The following HSF4 variants were observed in gnomAD, a reference collection of about 807,000 sequenced individuals.
HSF4 encodes heat shock factor protein 4.
A neutral mutation model predicts 52.0 loss-of-function variants in HSF4; 41 were observed. That is an observed-to-expected ratio of 0.79 (90% confidence interval 0.61 to 1.02). HSF4 has a LOEUF of 1.02. HSF4 is among the 50% of genes least tolerant of loss of function. The pLI is 0.00. For synonymous variants in HSF4, 285 were observed against 273.0 expected (o/e 1.04, Z -0.43); for missense variants, 610 against 651.1 (o/e 0.94, Z 0.69).
Position 67,165,912 on chromosome 16 carries a change from G to A in HSF4, c.361-34G>A. ...TGCTGGGACTGCCTGCCTTGCTCCT[G>A]CGACCCAGTCCCGACGGTGCCTCCC... On this transcript the variant is annotated intron_variant, in intron 3 of 12. Coordinates refer to ENST00000521374, the MANE Select transcript of HSF4 (RefSeq NM_001374675.1). The surrounding 1 kb of genome is among the most constrained non-coding windows in gnomAD (Gnocchi z 6.9). 1 of 1,589,454 alleles carries A rather than the reference G, an allele frequency of 6.3e-7. No individual in the cohort carries two copies. The highest frequency in any genetic ancestry group is 2.3e-5 in the East Asian group (1 of 44,260).
Position 67,165,356 on chromosome 16 carries a change from A to G in HSF4, c.124-166A>G. On this transcript the variant is annotated intron_variant, in intron 1 of 12. Coordinates refer to ENST00000521374, the MANE Select transcript of HSF4 (RefSeq NM_001374675.1). This position sits in a 1 kb window ranked among gnomAD's most constrained non-coding sequence, Gnocchi z 6.9. ...GTGGTCGCTCCAGGCTAGGCCTCGGAGCCCGTTCTGGCCTGGCCTCGACCC... is the reference window on the plus strand; with the variant it reads ...GTGGTCGCTCCAGGCTAGGCCTCGGGGCCCGTTCTGGCCTGGCCTCGACCC... The G allele has an allele frequency of 1.5e-6, 1 of 673,440 alleles. No homozygotes were observed. The highest frequency in any genetic ancestry group is 2.6e-6 in the Non-Finnish European group (1 of 383,842). The allele number at this position is 673,440 out of a possible 1,614,324, so 41.7% of individuals were successfully genotyped here.
chr16:67,168,051 T>G (rs2031435410), intron 9 of HSF4, 104 bp downstream of exon 9: 1 of 975,254 alleles, frequency 1.0e-6, no homozygotes, highest in South Asian at 1.4e-5. Flanking sequence ...CCTGATTTCT[T>G]GGCCCCAGCA....
Position 67,165,442 on chromosome 16 carries a change from A to G in HSF4, c.124-80A>G. 3.9e-6 allele frequency: 5 copies of G among 1,278,814 alleles called. No individual in the cohort carries two copies. The highest frequency in any genetic ancestry group is 5.7e-6 in the Non-Finnish European group (5 of 877,990). The allele number at this position is 1,278,814 out of a possible 1,614,324, so 79.2% of individuals were successfully genotyped here. A position where few individuals can be genotyped will look rare whatever the true frequency, so the allele number is the denominator to read the frequency against. On this transcript the variant is annotated intron_variant, in intron 1 of 12. Coordinates refer to ENST00000521374, the MANE Select transcript of HSF4 (RefSeq NM_001374675.1). This position sits in a 1 kb window ranked among gnomAD's most constrained non-coding sequence, Gnocchi z 6.9. ...GAGCATGAGTGTGTGCGCGCGCTGG[A>G]GCGCAGGACTGGCCGTGAGCGGGCA...
upstream of HSF4, chr16:67,163,878 G>GA (rs965162501): frequency 2.7e-5 from 41 of 1,526,594 alleles, no homozygotes; most frequent in East Asian, 3.9e-4. Context: ...GGGAACGGGG[G>GA]GGGTGTCCAG....
chr16:67,164,570 T>G (rs1007004953), upstream of HSF4: 2 of 181,272 alleles, frequency 1.1e-5, no homozygotes, highest in Non-Finnish European at 2.3e-5. Flanking sequence ...CCCACCCCAC[T>G]CCACCCCACC....
Position 67,165,919 on chromosome 16 carries a change from A to C in HSF4, c.361-27A>C. The C allele has an allele frequency of 6.3e-7, 1 of 1,586,446 alleles. No homozygotes were observed. Among genetic ancestry groups the C allele is most frequent in the South Asian group, 1.1e-5 (1 of 89,734 alleles). On this transcript the variant is annotated intron_variant, in intron 3 of 12. Transcript: ENST00000521374. The surrounding 1 kb of genome is among the most constrained non-coding windows in gnomAD (Gnocchi z 6.9). ...ACTGCCTGCCTTGCTCCTGCGACCCAGTCCCGACGGTGCCTCCCGCCTGCA... is the reference window on the plus strand; with the variant it reads ...ACTGCCTGCCTTGCTCCTGCGACCCCGTCCCGACGGTGCCTCCCGCCTGCA...
Position 67,165,088 on chromosome 16 carries a change from G to A in HSF4, c.123+154G>A, listed in dbSNP as rs558801822. 2.4e-5 allele frequency: 20 copies of A among 849,974 alleles called. No homozygotes were observed. In the African/African-American group the frequency reaches 2.8e-4, roughly 12 times the overall value. The allele number at this position is 849,974 out of a possible 1,614,324, so 52.7% of individuals were successfully genotyped here. Reference sequence around the variant, plus strand: ...TCACCTTGGAGGGGGTGTGCGAGAGGGGGGTTTCCTCTGCGGCCGAAGAAG... The same window carrying A: ...TCACCTTGGAGGGGGTGTGCGAGAGAGGGGTTTCCTCTGCGGCCGAAGAAG... On this transcript the variant is annotated intron_variant, in intron 1 of 12. Transcript: ENST00000521374. This position sits in a 1 kb window ranked among gnomAD's most constrained non-coding sequence, Gnocchi z 6.9.
In HSF4 at chr16:67,167,727, G is replaced by A. The variant is rs1277215382; in HGVS notation, c.862G>A (p.Gly288Ser). The A allele has an allele frequency of 3.1e-6, 5 of 1,609,534 alleles. No homozygotes were observed. The highest frequency in any genetic ancestry group is 4.2e-6 in the Non-Finnish European group (5 of 1,178,420). The change falls in exon 9 of 13, where the codon GGC becomes AGC. Residue 288 changes from glycine to serine, a missense_variant. Transcript: ENST00000521374. Reference protein sequence around the residue: ...SPSSDGRREKGLALLKEEPAS... With the variant: ...SPSSDGRREKSLALLKEEPAS... ...AGCTTTTCTCTGGTGCAGGGAGAAG[G>A]GCCTGGCACTGCTCAAAGAAGAGCC...
chr16:67,167,917 A>C lies in HSF4; in HGVS notation c.1052A>C (p.Glu351Ala), dbSNP rs779678848. Residue 351 changes from glutamate (E) to alanine (A), a missense_variant, in exon 9 of 13, where the codon GAA becomes GCA. By Grantham distance (107) the Glu-to-Ala change is moderately radical. Transcript: ENST00000521374. Reference sequence around the variant, plus strand: ...GGGCCCAGGAATGCCCAACAGCCTGAACCAGGGGATCCCAGGGAGATACCT... The same window carrying C: ...GGGCCCAGGAATGCCCAACAGCCTGCACCAGGGGATCCCAGGGAGATACCT... ...PEGPRNAQQPEPGDPREIPDR... is the reference protein window; with the variant it reads ...PEGPRNAQQPAPGDPREIPDR... 1 of 1,601,018 alleles carries C rather than the reference A, an allele frequency of 6.2e-7. No individual in the cohort carries two copies. The highest frequency in any genetic ancestry group is 1.3e-5 in the African/African-American group (1 of 74,846).
upstream of HSF4, chr16:67,164,718 T>A: frequency 7.0e-7 from 1 of 1,427,842 alleles, no homozygotes; most frequent in Non-Finnish European, 9.2e-7. Flanking sequence ...CGGGGCGGAG[T>A]AGGGCGGAGC....
upstream of HSF4, chr16:67,164,112 A>G: frequency 1.5e-6 from 1 of 674,450 alleles, no homozygotes; most frequent in Non-Finnish European, 2.7e-6. Flanking sequence ...GCGCAGGGAG[A>G]GGGAGGGCAC....
Position 67,167,896 on chromosome 16 carries a change from C to G in HSF4, c.1031C>G (p.Pro344Arg), listed in dbSNP as rs1454498495. Residue 344 changes from proline to arginine, a missense_variant, in exon 9 of 13, where the codon CCC becomes CGC. Pro to Arg is a moderately radical substitution (Grantham distance 103). Transcript: ENST00000521374. ...EGKGSFSPEG[P>R]RNAQQPEPGD... is the part of the protein sequence containing the mutation. ...AAAGGGAGCTTCAGCCCCGAGGGGCCCAGGAATGCCCAACAGCCTGAACCA... is the reference window on the plus strand; with the variant it reads ...AAAGGGAGCTTCAGCCCCGAGGGGCGCAGGAATGCCCAACAGCCTGAACCA... The G allele has an allele frequency of 1.9e-6, 3 of 1,604,970 alleles. No homozygotes were observed. Among genetic ancestry groups the G allele is most frequent in the Non-Finnish European group, 2.5e-6 (3 of 1,177,874 alleles).
upstream of HSF4, chr16:67,164,665 C>T: frequency 1.0e-6 from 1 of 959,044 alleles, no homozygotes. Context: ...GTCCGAGCCC[C>T]GCCCCGCGGG....
In HSF4 at chr16:67,169,389, T is replaced by G; in HGVS notation, c.1324+41T>G. The G allele has an allele frequency of 1.3e-6, 2 of 1,599,278 alleles. No homozygotes were observed. Among genetic ancestry groups the G allele is most frequent in the South Asian group, 1.1e-5 (1 of 89,296 alleles). On this transcript the variant is annotated intron_variant, in intron 12 of 12. Transcript: ENST00000521374. The surrounding 1 kb of genome is among the most constrained non-coding windows in gnomAD (Gnocchi z 4.3). ...ACTCCTACCTGGGAGGACGCCGTGA[T>G]TGGGCTGAGCTACCTTGATTGAGTG...
rs1292701667 is a variant in HSF4 at position 67,169,687 on chromosome 16, G to C, written c.1381G>C (p.Gly461Arg). 1 of 1,612,518 alleles carries C rather than the reference G, an allele frequency of 6.2e-7. No homozygotes were observed. Among genetic ancestry groups the C allele is most frequent in the East Asian group, 2.2e-5 (1 of 44,884 alleles). The change falls in exon 13 of 13, where the codon GGC becomes CGC. Residue 461 changes from glycine to arginine, a missense_variant. Transcript: ENST00000521374. The surrounding 1 kb of genome is among the most constrained non-coding windows in gnomAD (Gnocchi z 4.3). ...LLLDVQAALG[G>R]PALGLPGALT... Reference sequence around the variant, plus strand: ...GCTGGATGTCCAGGCGGCCTTGGGAGGCCCAGCCCTGGGCCTGCCTGGGGC... The same window carrying C: ...GCTGGATGTCCAGGCGGCCTTGGGACGCCCAGCCCTGGGCCTGCCTGGGGC...
In HSF4 at chr16:67,168,908, A is replaced by G. The variant is rs1380069215; in HGVS notation, c.1160A>G (p.Glu387Gly). Residue 387 changes from glutamate (E) to glycine (G), a missense_variant, in exon 10 of 13, where the codon GAA becomes GGA. By Grantham distance (98) the Glu-to-Gly change is moderately conservative (BLOSUM62 -2). Coordinates refer to ENST00000521374, the MANE Select transcript of HSF4 (RefSeq NM_001374675.1). ...LPPMLLQPPQ[E>G]SVEPAGPLDV... is the part of the protein sequence containing the mutation. ...CCGATGCTGCTTCAGCCCCCTCAAG[A>G]AAGTGTGGAACCTGCAGGGCCTCTA... 1.9e-6 allele frequency: 3 copies of G among 1,614,036 alleles called. No homozygotes were observed. Among genetic ancestry groups the G allele is most frequent in the Admixed American group, 3.3e-5 (2 of 60,016 alleles).
rs1326221658 is a variant in HSF4, at chr16:67,166,043, C to T, written c.458C>T (p.Thr153Ile). The change falls in exon 4 of 13, where the codon ACC becomes ATC. Residue 153 changes from threonine (T) to isoleucine (I), a missense_variant. By Grantham distance (89) the Thr-to-Ile change is moderately conservative. Coordinates refer to ENST00000521374, the MANE Select transcript of HSF4 (RefSeq NM_001374675.1). ...GCTTTGCGGGGAGTGCAGGAGAGCA[C>T]CGAGGCGCGGCTGCGGGAGCTCAGG... ...VQALRGVQES[T>I]EARLRELRQQ... The T allele has an allele frequency of 6.5e-7, 1 of 1,533,168 alleles. No homozygotes were observed. Among genetic ancestry groups the T allele is most frequent in the South Asian group, 1.2e-5 (1 of 83,958 alleles). 95.0% of individuals were successfully genotyped at this position (1,533,168 alleles called of 1,614,324 possible).
chr16:67,167,012 C>A (rs2031352614), intron 6 of HSF4, 108 bp from the exon 7 acceptor site: 15 of 1,495,526 alleles, frequency 1.0e-5, no homozygotes, highest in Non-Finnish European at 1.4e-5. Context: ...CAGGCCTCAG[C>A]TCTGCTGACT....
upstream of HSF4, chr16:67,164,517 G>A (rs918248169): frequency 1.6e-6 from 1 of 628,936 alleles, no homozygotes; most frequent in Non-Finnish European, 3.0e-6. Flanking sequence ...GGGACCGAGA[G>A]GGGTGGGACT....
Sources: allele counts gnomAD v4.1 joint callset, GRCh38; gene constraint gnomAD v4.1.1; non-coding constraint Gnocchi (gnomAD v3.1); transcripts MANE v1.5; gene names NCBI Gene and HGNC (gene_info 2026-07-23, HGNC 2026-07-21).